Variants in CACNB2 observed in about 807,000 individuals in gnomAD.
The protein encoded by CACNB2 is calcium voltage-gated channel auxiliary subunit beta 2.
In CACNB2, 42 loss-of-function variants were observed where a neutral mutation model predicts 73.3. The ratio of observed to expected loss-of-function variants is 0.57; its 90% CI spans 0.45 to 0.74. CACNB2 has a LOEUF of 0.74. Among genes scored for constraint, CACNB2 ranks in the 30% least tolerant of loss-of-function variants. The pLI is 0.00. For missense variants in CACNB2, 940 were observed against 853.0 expected, an observed-to-expected ratio of 1.10 and a Z score of -1.27; for synonymous variants, 348 against 310.3, an observed-to-expected ratio of 1.12 and a Z score of -1.28.
intron 9 of CACNB2, among the ~76,000 whole-genome samples, chr10:18,519,526 G>A (rs1175388266): frequency 6.6e-6 from 1 of 152,092 alleles, no homozygotes; most frequent in Non-Finnish European, 1.5e-5. Context: ...CCCACCATGT[G>A]GGCACTAGAT....
At chr10:18,155,067 A>G (rs1428850018) in intron 2 of CACNB2, among the ~76,000 whole-genome samples, 1 of 152,188 alleles carries the variant, frequency 6.6e-6, no homozygotes, top group East Asian at 1.9e-4. Context: ...TTGATCATGT[A>G]ACATATATGC....
rs2042315513 is a variant in CACNB2 at position 18,365,622 on chromosome 10, G to T, written c.214-36302G>T. On this transcript the variant is annotated intron_variant, in intron 2 of 13. Coordinates refer to ENST00000324631, the MANE Select transcript of CACNB2 (RefSeq NM_201596.3). ...CTTGTACTACAAGGATGTTTGGCAA[G>T]GTTATTGTTATTTTTTAAGAGGCTG... is the stretch of plus-strand genomic sequence containing the variant. Among the ~76,000 whole-genome samples the T allele has an allele frequency of 2.1e-5, 3 of 140,054 alleles. No homozygotes were observed. In the South Asian group the frequency reaches 6.9e-4, roughly 32 times the overall value. 91.9% of individuals were successfully genotyped at this position (140,054 alleles called of 152,430 possible). A position where few individuals can be genotyped will look rare whatever the true frequency, so the allele number is the denominator to read the frequency against.
chr10:18,366,764 C>T (rs369167763), intron 2 of CACNB2, among the ~76,000 whole-genome samples: 13 of 151,824 alleles, frequency 8.6e-5, no homozygotes, highest in African/African-American at 2.9e-4. Context: ...CACACTCCAG[C>T]CTGGGCAACA....
intron 3 of CACNB2, among the ~76,000 whole-genome samples, chr10:18,428,318 T>C (rs2045708708): frequency 6.6e-6 from 1 of 152,258 alleles, no homozygotes; most frequent in Admixed American, 6.5e-5. Context: ...TAGTTTCCAC[T>C]ACAATCTTAT....
At chr10:18,523,805 C>T (rs1176165254) in intron 9 of CACNB2, among the ~76,000 whole-genome samples, 1 of 152,124 alleles carries the variant, frequency 6.6e-6, no homozygotes, top group African/African-American at 2.4e-5. Flanking sequence ...ATGAATTATT[C>T]CTTAATCATC....
intron 3 of CACNB2, among the ~76,000 whole-genome samples, chr10:18,486,582 CA>C (rs1479748262): frequency 6.6e-6 from 1 of 152,226 alleles, no homozygotes; most frequent in African/African-American, 2.4e-5. Flanking sequence ...GTCTTGCGGC[CA>C]AAAAGCTGTC....
At chr10:18,199,213 T>C (rs940434312) in intron 2 of CACNB2, among the ~76,000 whole-genome samples, 7 of 152,210 alleles carry the variant, frequency 4.6e-5, no homozygotes, top group African/African-American at 1.7e-4. Flanking sequence ...GAAACTACTA[T>C]GCACAGGCAT....
intron 2 of CACNB2, among the ~76,000 whole-genome samples, chr10:18,298,009 C>T (rs544701697): frequency 6.6e-6 from 1 of 152,158 alleles, no homozygotes; most frequent in African/African-American, 2.4e-5. Context: ...TGAACTTTTG[C>T]TTTTTCTATG....
chr10:18,191,246 A>T (rs1165301827), intron 2 of CACNB2, among the ~76,000 whole-genome samples: 1 of 152,232 alleles, frequency 6.6e-6, no homozygotes, highest in Admixed American at 6.5e-5. Flanking sequence ...ATTCCTATCT[A>T]TATTTTATGA....
chr10:18,153,640 G>A (rs2031789842), intron 2 of CACNB2, among the ~76,000 whole-genome samples: 1 of 150,486 alleles, frequency 6.6e-6, no homozygotes, highest in Non-Finnish European at 1.5e-5. Context: ...GGGGTGCAGT[G>A]GCGCGATCTC....
At chr10:18,449,762 T>A (rs896718892) in intron 3 of CACNB2, among the ~76,000 whole-genome samples, 6 of 152,214 alleles carry the variant, frequency 3.9e-5, no homozygotes, top group African/African-American at 1.2e-4. Flanking sequence ...TTAACCATGT[T>A]AAAGGAACCC....
chr10:18,400,239 T>C (rs534378861), intron 2 of CACNB2, among the ~76,000 whole-genome samples: 1 of 152,246 alleles, frequency 6.6e-6, no homozygotes, highest in Non-Finnish European at 1.5e-5. Flanking sequence ...TGATTTTTGC[T>C]ATGCAATATT....
chr10:18,285,167 A>T (rs943463854), intron 2 of CACNB2, among the ~76,000 whole-genome samples: 15 of 152,168 alleles, frequency 9.9e-5, no homozygotes, highest in Admixed American at 8.5e-4. Flanking sequence ...CCCATGAGCC[A>T]TATACCCTGT....
chr10:18,507,161 A>G (rs2050535009), intron 6 of CACNB2, among the ~76,000 whole-genome samples: 1 of 152,206 alleles, frequency 6.6e-6, no homozygotes, highest in Non-Finnish European at 1.5e-5. Context: ...ATGGGTGAAT[A>G]CTTGCCAACA....
chr10:18,367,275 A>G (rs993141006), intron 2 of CACNB2, among the ~76,000 whole-genome samples: 1 of 152,150 alleles, frequency 6.6e-6, no homozygotes, highest in African/African-American at 2.4e-5. Context: ...TTTGAAATGA[A>G]CACATTTTAT....
At chr10:18,506,274 A>G (rs1037069662) in intron 5 of CACNB2, among the ~76,000 whole-genome samples, 197 bp from the exon 6 acceptor site, 3 of 152,210 alleles carry the variant, frequency 2.0e-5, no homozygotes, top group African/African-American at 4.8e-5. Context: ...TAAACCTTGA[A>G]TTTGAAATCA....
chr10:18,192,268 G>GTTCATTCATTCATTCATTCATTCA (rs75149644), intron 2 of CACNB2, among the ~76,000 whole-genome samples: 27 of 151,274 alleles, frequency 1.8e-4, no homozygotes, highest in African/African-American at 6.3e-4. Flanking sequence ...TCAGACTTAC[G>GTTCATTCATTCATTCATTCATTCA]TTCATTCATT....
intron 3 of CACNB2, among the ~76,000 whole-genome samples, chr10:18,471,057 A>G (rs2048163030): frequency 6.6e-6 from 1 of 152,016 alleles, no homozygotes; most frequent in South Asian, 2.1e-4. Context: ...GTAATCCCAG[A>G]GCTTTGGGAG....
At chr10:18,374,959 G>A (rs1023825286) in intron 2 of CACNB2, among the ~76,000 whole-genome samples, 1 of 152,156 alleles carries the variant, frequency 6.6e-6, no homozygotes, top group South Asian at 2.1e-4. Flanking sequence ...GCAAAAGCCT[G>A]TGTCCCTAAG....
Sources: allele counts gnomAD v4.1 joint callset (sites outside exome capture counted in the v4.1 genomes callset), GRCh38; gene constraint gnomAD v4.1.1; transcripts MANE v1.5; gene names NCBI Gene and HGNC (gene_info 2026-07-23, HGNC 2026-07-21).